SOX5: variants seen among roughly 807,000 people sequenced by gnomAD.
The protein encoded by SOX5 is transcription factor SOX-5.
SOX5 carries 9 observed loss-of-function variants against 92.0 expected under a neutral mutation model. The ratio of observed to expected loss-of-function variants is 0.10; its 90% CI spans 0.06 to 0.17. The LOEUF is 0.17. Ranked by LOEUF, SOX5 falls within the 10% of genes least tolerant of loss-of-function variation. The pLI, the probability that SOX5 is intolerant of heterozygous loss-of-function variation, is 1.00. For synonymous variants in SOX5, 344 were observed against 336.3 expected, an observed-to-expected ratio of 1.02 and a Z score of -0.25; for missense variants, 642 against 944.5, an observed-to-expected ratio of 0.68 and a Z score of 4.20.
intron 9 of SOX5, chr12:23,582,377 A>T: frequency 1.6e-6 from 1 of 640,576 alleles, no homozygotes; most frequent in East Asian, 1.4e-4. Context: ...GAAAAGGTTT[A>T]TATTTACGTG....
chr12:23,566,996 C>G (rs113648516), intron 10 of SOX5, among the ~76,000 whole-genome samples: 115 of 152,306 alleles, frequency 7.6e-4, no homozygotes, highest in African/African-American at 2.3e-3. Flanking sequence ...AGAGATAGCA[C>G]TTGGTATCTG....
At chr12:23,868,144 A>C in intron 2 of SOX5, among the ~76,000 whole-genome samples, 1 of 150,730 alleles carries the variant, frequency 6.6e-6, no homozygotes, top group South Asian at 2.1e-4. Context: ...TGGTTAAAAA[A>C]TGTGTAAAAA....
intron 1 of SOX5, among the ~76,000 whole-genome samples, chr12:24,451,274 A>G (rs535730992): frequency 6.6e-6 from 1 of 152,134 alleles, no homozygotes; most frequent in South Asian, 2.1e-4. Flanking sequence ...GATATCTCAT[A>G]TATATATATA....
intron 10 of SOX5, among the ~76,000 whole-genome samples, chr12:23,564,984 G>T (rs895381742): frequency 6.6e-6 from 1 of 152,200 alleles, no homozygotes; most frequent in Non-Finnish European, 1.5e-5. Context: ...TATGCGCAGA[G>T]TAGACCTGGT....
intron 4 of SOX5, among the ~76,000 whole-genome samples, chr12:24,125,404 A>C (rs752629794): frequency 6.6e-6 from 1 of 152,172 alleles, no homozygotes; most frequent in Non-Finnish European, 1.5e-5. Flanking sequence ...ATGAGGTACA[A>C]AACAGTTATT....
At chr12:24,176,977 G>GT (rs11295163) in intron 4 of SOX5, among the ~76,000 whole-genome samples, 1,443 of 135,082 alleles carry the variant, frequency 0.011, 10 homozygotes, top group Middle Eastern at 0.023. Flanking sequence ...TTTGTTTTTT[G>GT]TTTTTTTTTT....
intron 4 of SOX5, among the ~76,000 whole-genome samples, chr12:24,069,036 C>T (rs1941360619): frequency 6.6e-6 from 1 of 150,474 alleles, no homozygotes; most frequent in Non-Finnish European, 1.5e-5. Context: ...TCAGAAATAT[C>T]TCAGGGACTA....
intron 1 of SOX5, among the ~76,000 whole-genome samples, chr12:23,911,119 A>G (rs984165943): frequency 6.6e-6 from 1 of 152,062 alleles, no homozygotes; most frequent in Non-Finnish European, 1.5e-5. Flanking sequence ...GAAATACAGA[A>G]GAAAAACAAA....
At chr12:24,370,822 T>A (rs528185029) in intron 1 of SOX5, among the ~76,000 whole-genome samples, 1 of 152,196 alleles carries the variant, frequency 6.6e-6, no homozygotes, top group Non-Finnish European at 1.5e-5. Flanking sequence ...ACTGGTTTCC[T>A]AACAAAATAT....
chr12:24,420,292 A>G (rs1253791255), intron 1 of SOX5, among the ~76,000 whole-genome samples: 2 of 152,226 alleles, frequency 1.3e-5, no homozygotes, highest in Non-Finnish European at 2.9e-5. Context: ...GGAGAAATAG[A>G]TGGAACAGGC....
chr12:24,124,950 T>A (rs1948970591), intron 4 of SOX5, among the ~76,000 whole-genome samples: 1 of 152,178 alleles, frequency 6.6e-6, no homozygotes, highest in Non-Finnish European at 1.5e-5. Flanking sequence ...TATCATAGAT[T>A]TCCTCAAACT....
chr12:23,530,663 T>C lies in SOX5; in HGVS notation c.*3556A>G, dbSNP rs1938772992. 6.6e-6 allele frequency: 1 copy of C among 152,220 alleles called. No homozygotes were observed. Among genetic ancestry groups the C allele is most frequent in the African/African-American group, 2.4e-5 (1 of 41,462 alleles). 9.4% of individuals were successfully genotyped at this position (152,220 alleles called of 1,614,324 possible). A position where few individuals can be genotyped will look rare whatever the true frequency, so the allele number is the denominator to read the frequency against. On this transcript the variant is annotated 3_prime_UTR_variant, in exon 15 of 15. Transcript: ENST00000451604. ...TAATCACTAACTTATTATTAGTAAC[T>C]ATAAATGAGTAACTTTATTTTCTCC...
At chr12:24,528,561 G>A (rs998730256) in intron 1 of SOX5, among the ~76,000 whole-genome samples, 1 of 152,236 alleles carries the variant, frequency 6.6e-6, no homozygotes, top group Non-Finnish European at 1.5e-5. Context: ...GGAGAGAAGA[G>A]TGGATGCTAC....
intron 8 of SOX5, among the ~76,000 whole-genome samples, chr12:23,612,562 T>C (rs2137794007): frequency 1.3e-5 from 2 of 152,258 alleles, no homozygotes; most frequent in Middle Eastern, 6.8e-3. Context: ...CTTATAAAAA[T>C]GGAAGATTTC....
At chr12:23,554,334 AT>A (rs907467532) in intron 11 of SOX5, among the ~76,000 whole-genome samples, 25 of 152,234 alleles carry the variant, frequency 1.6e-4, no homozygotes, top group African/African-American at 5.5e-4. Context: ...GGAGATGGTG[AT>A]TGCTTAAACA....
intron 1 of SOX5, among the ~76,000 whole-genome samples, chr12:24,433,041 A>AT (rs78632274): frequency 6.6e-6 from 1 of 152,190 alleles, no homozygotes; most frequent in African/African-American, 2.4e-5. Flanking sequence ...TAACATAAGT[A>AT]TTTTTTATTT....
chr12:23,947,187 C>G (rs1161095592), intron 1 of SOX5, among the ~76,000 whole-genome samples: 1 of 151,800 alleles, frequency 6.6e-6, no homozygotes, highest in African/African-American at 2.4e-5. Flanking sequence ...TTATTATGTC[C>G]TCTAGATCAA....
At chr12:24,122,535 C>G (rs1182500242) in intron 4 of SOX5, among the ~76,000 whole-genome samples, 1 of 152,166 alleles carries the variant, frequency 6.6e-6, no homozygotes, top group Non-Finnish European at 1.5e-5. Context: ...TGGCGCATTA[C>G]ACTTGTTTTT....
At chr12:24,137,724 A>C (rs548352496) in intron 4 of SOX5, among the ~76,000 whole-genome samples, 7 of 152,386 alleles carry the variant, frequency 4.6e-5, no homozygotes, top group African/African-American at 1.7e-4. Context: ...AGCCTTGACA[A>C]TGATCATACC....
Sources: gnomAD v4.1 joint callset for allele counts (sites outside exome capture counted in the v4.1 genomes callset) on GRCh38, gnomAD v4.1.1 for gene constraint, MANE v1.5 for transcripts, NCBI Gene and HGNC (gene_info 2026-07-23, HGNC 2026-07-21) for gene names.